Variants in MYO9A observed in about 807,000 individuals in gnomAD.
MYO9A encodes unconventional myosin-IXa.
MYO9A carries 103 observed loss-of-function variants against 293.3 expected under a neutral mutation model. The observed-to-expected ratio is 0.35, with a 90% CI of 0.30 to 0.41. MYO9A has a LOEUF of 0.41. Among genes scored for constraint, MYO9A ranks in the 10% least tolerant of loss-of-function variants. MYO9A has a pLI of 1.00. For missense variants in MYO9A, 2,685 were observed against 3,033.0 expected, an observed-to-expected ratio of 0.89 and a Z score of 2.69; for synonymous variants, 1,001 against 1,035.7, an observed-to-expected ratio of 0.97 and a Z score of 0.64.
chr15:72,048,061 A>C (rs1227368937), intron 1 of MYO9A, among the ~76,000 whole-genome samples: 1 of 151,966 alleles, frequency 6.6e-6, no homozygotes, highest in East Asian at 1.9e-4. Context: ...GTTTGCCTAG[A>C]TGGTCTTTCA....
At chr15:71,884,084 T>C (rs970423400) in intron 27 of MYO9A, among the ~76,000 whole-genome samples, 1 of 152,118 alleles carries the variant, frequency 6.6e-6, no homozygotes, top group Non-Finnish European at 1.5e-5. Context: ...CCCAAACTGG[T>C]TTATTTTCAT....
At chr15:71,829,190 C>T (rs1340514923) in intron 40 of MYO9A, among the ~76,000 whole-genome samples, 1 of 152,152 alleles carries the variant, frequency 6.6e-6, no homozygotes, top group East Asian at 1.9e-4. Flanking sequence ...GCAAATAGCC[C>T]CTGGTCAATG....
At chr15:71,895,649 A>G (rs1010452232) in intron 25 of MYO9A, among the ~76,000 whole-genome samples, 1 of 152,138 alleles carries the variant, frequency 6.6e-6, no homozygotes, top group Non-Finnish European at 1.5e-5. Flanking sequence ...TATTACTTAT[A>G]CAACAGGATG....
chr15:72,080,660 A>ACCAATGGAATGG, intron 1 of MYO9A, among the ~76,000 whole-genome samples: 2 of 152,010 alleles, frequency 1.3e-5, no homozygotes, highest in Non-Finnish European at 2.9e-5. Context: ...GTTTCTTATA[A>ACCAATGGAATGG]AGGTTAACTC....
chr15:72,093,254 G>A (rs11854720), intron 1 of MYO9A, among the ~76,000 whole-genome samples: 2,471 of 152,320 alleles, frequency 0.016, 32 homozygotes, highest in Non-Finnish European at 0.026. Context: ...CAAGCTAGGT[G>A]TGGTGGCTCA....
intron 33 of MYO9A, 77 bp downstream of exon 33, chr15:71,862,423 A>T: frequency 8.8e-7 from 1 of 1,137,884 alleles, no homozygotes; most frequent in Non-Finnish European, 1.3e-6. Flanking sequence ...CCTTTATGTT[A>T]AAGGAGATAT....
At chr15:71,975,849 A>G (rs974549026) in intron 12 of MYO9A, among the ~76,000 whole-genome samples, 1 of 151,962 alleles carries the variant, frequency 6.6e-6, no homozygotes, top group Non-Finnish European at 1.5e-5. Flanking sequence ...CTCCATAAAA[A>G]CCCCAAAAAA....
intron 5 of MYO9A, among the ~76,000 whole-genome samples, chr15:72,019,428 C>T (rs1251089677): frequency 6.6e-6 from 1 of 152,116 alleles, no homozygotes; most frequent in East Asian, 1.9e-4. Flanking sequence ...TTCTCTAATA[C>T]TAACAACTAT....
At position 72,105,502 on chromosome 15, in the gene MYO9A, CTT is replaced by C. The variant is rs35861022; in HGVS notation, c.-72+12176_-72+12177del. Among the ~76,000 whole-genome samples the C allele has an allele frequency of 4.8e-3, 429 of 89,232 alleles. 3 individuals are homozygous for C. The highest frequency in any genetic ancestry group is 0.018 in the African/African-American group (395 of 22,524). 58.5% of individuals were successfully genotyped at this position (89,232 alleles called of 152,430 possible). A position where few individuals can be genotyped will look rare whatever the true frequency, so the allele number is the denominator to read the frequency against. ...TCAGCCTCCCGAAATGCTGGGAAAG[CTT>C]TTTTTTTTTTTTTTTTTTTTTTGAG... On this transcript the variant is annotated intron_variant, in intron 1 of 41. Transcript: ENST00000356056.
intron 32 of MYO9A, among the ~76,000 whole-genome samples, chr15:71,874,116 A>G (rs2056606279): frequency 6.6e-6 from 1 of 152,228 alleles, no homozygotes; most frequent in Non-Finnish European, 1.5e-5. Flanking sequence ...AAAGGCAGAA[A>G]CTTCGCAATA....
chr15:72,084,609 T>A (rs914879152), intron 1 of MYO9A, among the ~76,000 whole-genome samples: 1 of 152,114 alleles, frequency 6.6e-6, no homozygotes, highest in Non-Finnish European at 1.5e-5. Flanking sequence ...CTGCTAACAG[T>A]CTTTCCATAC....
intron 9 of MYO9A, among the ~76,000 whole-genome samples, chr15:71,999,630 G>A (rs2076807900): frequency 6.6e-6 from 1 of 152,126 alleles, no homozygotes. Flanking sequence ...AAGAGGTTAA[G>A]ATCCTTGGAG....
chr15:72,077,553 G>A (rs1360536315), intron 1 of MYO9A, among the ~76,000 whole-genome samples: 2 of 151,480 alleles, frequency 1.3e-5, no homozygotes, highest in Non-Finnish European at 2.9e-5. Flanking sequence ...TTAGCCAGGT[G>A]TGGTGGTGCA....
intron 35 of MYO9A, among the ~76,000 whole-genome samples, chr15:71,854,058 G>T (rs906068323): frequency 2.0e-5 from 3 of 152,138 alleles, no homozygotes; most frequent in Non-Finnish European, 4.4e-5. Flanking sequence ...ATCATCATCA[G>T]CAGCTCATTA....
At chr15:71,835,443 T>G (rs1363819133) in intron 39 of MYO9A, among the ~76,000 whole-genome samples, 1 of 152,090 alleles carries the variant, frequency 6.6e-6, no homozygotes, top group African/African-American at 2.4e-5. Flanking sequence ...GCAAAGTCAC[T>G]GAATACAAGA....
At chr15:71,971,678 T>C (rs1022829049) in intron 12 of MYO9A, among the ~76,000 whole-genome samples, 1 of 151,598 alleles carries the variant, frequency 6.6e-6, no homozygotes, top group African/African-American at 2.4e-5. Flanking sequence ...GGACGGAACA[T>C]CATCATGTAC....
At chr15:71,906,767 T>C (rs1046638318) in intron 19 of MYO9A, among the ~76,000 whole-genome samples, 5 of 117,312 alleles carry the variant, frequency 4.3e-5, no homozygotes, top group Non-Finnish European at 7.2e-5. Context: ...TCTTTTTTTT[T>C]TTTTTTTTTT....
At chr15:72,031,408 C>T (rs1201381215) in intron 3 of MYO9A, among the ~76,000 whole-genome samples, 1 of 152,080 alleles carries the variant, frequency 6.6e-6, no homozygotes, top group African/African-American at 2.4e-5. Flanking sequence ...ATCACTTGAA[C>T]CCGGGAGGAA....
intron 2 of MYO9A, 44 bp from the exon 3 acceptor site, chr15:72,032,632 A>AT: frequency 2.0e-6 from 3 of 1,484,956 alleles, no homozygotes; most frequent in Non-Finnish European, 2.7e-6. Context: ...AAAAAAAAAA[A>AT]ATTTTTTTTT....
Sources: allele counts gnomAD v4.1 joint callset (sites outside exome capture counted in the v4.1 genomes callset), GRCh38; gene constraint gnomAD v4.1.1; transcripts MANE v1.5; gene names NCBI Gene and HGNC (gene_info 2026-07-23, HGNC 2026-07-21).